ANKRD6: variants seen among roughly 807,000 people sequenced by gnomAD.
ANKRD6 encodes ankyrin repeat domain-containing protein 6.
ANKRD6 carries 56 observed loss-of-function variants against 82.3 expected under a neutral mutation model. The observed-to-expected ratio is 0.68, with a 90% confidence interval of 0.55 to 0.85. The LOEUF is 0.85. ANKRD6 is among the 40% of genes least tolerant of loss of function. The pLI is 0.00. For missense variants in ANKRD6, 852 were observed against 907.6 expected, an observed-to-expected ratio of 0.94 and a Z score of 0.79; for synonymous variants, 347 against 352.1, an observed-to-expected ratio of 0.99 and a Z score of 0.16.
At chr6:89,491,904 CTG>C (rs1778054190) in intron 1 of ANKRD6, among the ~76,000 whole-genome samples, 1 of 152,178 alleles carries the variant, frequency 6.6e-6, no homozygotes, top group South Asian at 2.1e-4. Flanking sequence ...ACAGGTCGTG[CTG>C]TGTTTCCTCC....
Position 89,567,419 on chromosome 6 carries a change from A to G in ANKRD6, c.120+323A>G, listed in dbSNP as rs565030351. Among the ~76,000 whole-genome samples the G allele has an allele frequency of 2.1e-3, 325 of 152,260 alleles. 2 individuals carry two copies. The highest frequency in any genetic ancestry group is 0.01 in the Middle Eastern group (3 of 294). ...ACAGAGTGTGCGATAATCACGTTAG[A>G]TGGGCCTCCCGGGGAGGTGGACCAG... On this transcript the variant is annotated intron_variant, in intron 2 of 15. Coordinates refer to ENST00000339746, the MANE Select transcript of ANKRD6 (RefSeq NM_001242809.2).
At chr6:89,509,777 G>A (rs1033466751) in intron 1 of ANKRD6, among the ~76,000 whole-genome samples, 4 of 152,158 alleles carry the variant, frequency 2.6e-5, no homozygotes, top group Non-Finnish European at 5.9e-5. Flanking sequence ...TTATGGGTGA[G>A]GAAACTGAGG....
intron 14 of ANKRD6, among the ~76,000 whole-genome samples, chr6:89,627,914 C>T (rs13214731): frequency 0.17 from 26,489 of 152,070 alleles, 2,806 homozygotes; most frequent in Non-Finnish European, 0.24. Context: ...AGATGAAGAC[C>T]GAACATGCTG....
intron 1 of ANKRD6, among the ~76,000 whole-genome samples, chr6:89,543,658 A>T (rs1784696450): frequency 6.6e-6 from 1 of 152,164 alleles, no homozygotes; most frequent in Admixed American, 6.5e-5. Flanking sequence ...GCGTGTGGGT[A>T]TTGCAGGCTC....
At chr6:89,522,997 T>C (rs1185438876) in intron 1 of ANKRD6, among the ~76,000 whole-genome samples, 1 of 152,030 alleles carries the variant, frequency 6.6e-6, no homozygotes, top group African/African-American at 2.4e-5. Flanking sequence ...TCCTAGGTGT[T>C]GATGCAGAGA....
At chr6:89,553,842 G>A (rs1786194914) in intron 1 of ANKRD6, among the ~76,000 whole-genome samples, 1 of 152,168 alleles carries the variant, frequency 6.6e-6, no homozygotes, top group African/African-American at 2.4e-5. Context: ...TTAATATGTA[G>A]AAGTACATAT....
chr6:89,463,864 T>C (rs1172088201), intron 1 of ANKRD6, among the ~76,000 whole-genome samples: 3 of 152,112 alleles, frequency 2.0e-5, no homozygotes, highest in African/African-American at 7.2e-5. Flanking sequence ...AATCTTATTT[T>C]ATAAAAAAAA....
At chr6:89,616,730 C>T (rs1801675378) in intron 8 of ANKRD6, 73 bp downstream of exon 8, 2 of 1,410,806 alleles carry the variant, frequency 1.4e-6, no homozygotes, top group African/African-American at 1.4e-5. Flanking sequence ...TACTAAACCC[C>T]TGCAGACCCC....
intron 1 of ANKRD6, among the ~76,000 whole-genome samples, chr6:89,442,188 G>A (rs1412097002): frequency 1.3e-5 from 2 of 151,882 alleles, no homozygotes; most frequent in Admixed American, 6.6e-5. Flanking sequence ...TAGAGACGGG[G>A]TTTCGCCATG....
intron 1 of ANKRD6, among the ~76,000 whole-genome samples, chr6:89,540,837 T>G (rs1347876203): frequency 2.0e-5 from 3 of 152,222 alleles, no homozygotes; most frequent in Non-Finnish European, 1.5e-5. Flanking sequence ...TTCATTCTTC[T>G]GCATATGGAT....
At chr6:89,497,507 G>A (rs1285570850) in intron 1 of ANKRD6, among the ~76,000 whole-genome samples, 1 of 152,064 alleles carries the variant, frequency 6.6e-6, no homozygotes, top group Non-Finnish European at 1.5e-5. Context: ...TGGTATATAT[G>A]ACTAGATGCT....
At chr6:89,494,207 GTAGATGGAAGATTAC>G (rs1778346621) in intron 1 of ANKRD6, among the ~76,000 whole-genome samples, 1 of 152,174 alleles carries the variant, frequency 6.6e-6, no homozygotes, top group Admixed American at 6.5e-5. Flanking sequence ...ATGGGGGTCT[GTAGATGGAAGATTAC>G]TAAGAGGAGA....
intron 1 of ANKRD6, among the ~76,000 whole-genome samples, chr6:89,455,573 TG>T (rs2127962538): frequency 6.6e-6 from 1 of 152,234 alleles, no homozygotes; most frequent in Non-Finnish European, 1.5e-5. Context: ...GATTGGATCA[TG>T]GGGGCAGAGT....
chr6:89,618,134 A>C, intron 9 of ANKRD6, 103 bp downstream of exon 9: 1 of 1,286,350 alleles, frequency 7.8e-7, no homozygotes, highest in Non-Finnish European at 1.1e-6. Flanking sequence ...TAACTTAAAT[A>C]TGGAATGTAA....
intron 5 of ANKRD6, among the ~76,000 whole-genome samples, chr6:89,611,285 G>A (rs756393279): frequency 5.5e-4 from 84 of 152,040 alleles, no homozygotes; most frequent in Non-Finnish European, 1.1e-3. Context: ...TGAGGGAGAA[G>A]CAATGAACAG....
rs1046320033 is a variant in ANKRD6 at position 89,596,586 on chromosome 6, A to G, written c.219+572A>G. Among the ~76,000 whole-genome samples the G allele has an allele frequency of 1.1e-4, 16 of 152,286 alleles. No individual in the cohort carries two copies. The South Asian group carries it at 1.2e-3, about 12-fold the overall frequency. On this transcript the variant is annotated intron_variant, in intron 3 of 15. Coordinates refer to ENST00000339746, the MANE Select transcript of ANKRD6 (RefSeq NM_001242809.2). The stretch of plus-strand genomic sequence containing the variant: ...AAAGAGTTTACTCTGCCACCATGCT[A>G]TTATTGAGACATGGCCATCAACCAA...
chr6:89,515,574 C>G (rs538133154), intron 1 of ANKRD6, among the ~76,000 whole-genome samples: 184 of 152,322 alleles, frequency 1.2e-3, no homozygotes, highest in Non-Finnish European at 2.0e-3. Flanking sequence ...TGCATATTAC[C>G]TTAAATGATA....
chr6:89,479,601 TTTTA>T (rs529057283), intron 1 of ANKRD6, among the ~76,000 whole-genome samples: 291 of 149,710 alleles, frequency 1.9e-3, no homozygotes, highest in South Asian at 0.011. Flanking sequence ...TATTTTTTAT[TTTTA>T]TTTATTTATT....
intron 2 of ANKRD6, among the ~76,000 whole-genome samples, chr6:89,582,355 A>G: frequency 6.6e-6 from 1 of 151,934 alleles, no homozygotes; most frequent in South Asian, 2.1e-4. Context: ...ATGCCAGGCT[A>G]ACTTTTTTTA....
Sources: allele counts gnomAD v4.1 joint callset (sites outside exome capture counted in the v4.1 genomes callset), GRCh38; gene constraint gnomAD v4.1.1; transcripts MANE v1.5; gene names NCBI Gene and HGNC (gene_info 2026-07-23, HGNC 2026-07-21).